The following WDR70 variants were observed in gnomAD, a reference collection of about 807,000 sequenced individuals.
The protein encoded by WDR70 is WD repeat-containing protein 70.
WDR70 carries 53 observed loss-of-function variants against 88.6 expected under a neutral mutation model. That is an observed-to-expected ratio of 0.60 (90% CI 0.48 to 0.75). WDR70 has a LOEUF of 0.75. Ranked by LOEUF, WDR70 falls within the 30% of genes least tolerant of loss-of-function variation. The pLI, the probability that WDR70 is intolerant of heterozygous loss-of-function variation, is 0.00. For synonymous variants in WDR70, 280 were observed against 270.0 expected (o/e 1.04, Z -0.36); for missense variants, 610 against 823.2 (o/e 0.74, Z 3.17).
chr5:37,752,729 T>G lies in WDR70; in HGVS notation c.*156T>G, dbSNP rs1748851115. 1.7e-6 allele frequency: 1 copy of G among 585,718 alleles called. No homozygotes were observed. The allele number at this position is 585,718 out of a possible 1,614,324, so 36.3% of individuals were successfully genotyped here. On this transcript the variant is annotated 3_prime_UTR_variant, in exon 18 of 18. Transcript: ENST00000265107. ...CAAAAGTTTGGTGGCTAGGCTTCACTAAAATTGTGCTTAAATTTTCTTACC... is the reference window on the plus strand; with the variant it reads ...CAAAAGTTTGGTGGCTAGGCTTCACGAAAATTGTGCTTAAATTTTCTTACC...
rs528583855 is a variant in WDR70, at chr5:37,611,012, A to T, written c.1092+5774A>T. 4.9e-4 allele frequency among the ~76,000 whole-genome samples: 74 copies of T among 152,308 alleles called. 1 individual carries two copies. In the South Asian group the frequency reaches 0.015, roughly 31 times the overall value. On this transcript the variant is annotated intron_variant, in intron 10 of 17. Coordinates refer to ENST00000265107, the MANE Select transcript of WDR70 (RefSeq NM_018034.4). ...TATAATGAAGGAAAAGTAAAGCAGA[A>T]TAAAGATAATGTTTTGTGGGAGAGG...
intron 10 of WDR70, among the ~76,000 whole-genome samples, chr5:37,681,307 A>G (rs1746429399): frequency 6.6e-6 from 1 of 152,080 alleles, no homozygotes; most frequent in Non-Finnish European, 1.5e-5. Flanking sequence ...GAAGTTGTTT[A>G]TTAGGTTAAG....
chr5:37,488,664 T>G (rs563346643), intron 8 of WDR70, among the ~76,000 whole-genome samples: 4 of 152,296 alleles, frequency 2.6e-5, no homozygotes, highest in African/African-American at 9.6e-5. Flanking sequence ...TTTATTTATC[T>G]TTGGTGAATT....
chr5:37,667,878 A>C (rs1049580731), intron 10 of WDR70, among the ~76,000 whole-genome samples: 2 of 144,610 alleles, frequency 1.4e-5, no homozygotes, highest in Non-Finnish European at 3.0e-5. Context: ...AAAAGGTTCT[A>C]TAGTCAAATA....
intron 7 of WDR70, among the ~76,000 whole-genome samples, chr5:37,455,501 C>CA (rs1371378529): frequency 6.6e-6 from 1 of 152,116 alleles, no homozygotes; most frequent in East Asian, 1.9e-4. Flanking sequence ...CTTGGCCTCC[C>CA]AAAGTGTTGA....
chr5:37,601,206 C>G (rs1743872079), intron 9 of WDR70, among the ~76,000 whole-genome samples: 1 of 152,128 alleles, frequency 6.6e-6, no homozygotes, highest in Admixed American at 6.5e-5. Context: ...TCCTGCTACA[C>G]CTATTTTGTT....
chr5:37,605,292 T>C, intron 10 of WDR70, 54 bp downstream of exon 10: 1 of 1,518,434 alleles, frequency 6.6e-7, no homozygotes. Context: ...CCTTAGAAGA[T>C]GGCCACCTTA....
intron 7 of WDR70, among the ~76,000 whole-genome samples, chr5:37,450,015 G>A (rs1738627693): frequency 6.6e-6 from 1 of 152,098 alleles, no homozygotes; most frequent in Non-Finnish European, 1.5e-5. Context: ...TTCTGTTCTT[G>A]TGTTAGTTTG....
At chr5:37,525,927 A>G (rs185584166) in intron 9 of WDR70, among the ~76,000 whole-genome samples, 8 of 152,340 alleles carry the variant, frequency 5.3e-5, no homozygotes, top group Admixed American at 1.3e-4. Flanking sequence ...CCCAAGACTA[A>G]ACCAGGAAGA....
At chr5:37,682,597 A>G (rs1746471380) in intron 10 of WDR70, among the ~76,000 whole-genome samples, 1 of 152,096 alleles carries the variant, frequency 6.6e-6, no homozygotes, top group Admixed American at 6.6e-5. Context: ...ACACTGCCTT[A>G]GCTGTGTCCC....
chr5:37,383,938 A>G (rs940599209), intron 3 of WDR70, among the ~76,000 whole-genome samples: 1 of 152,190 alleles, frequency 6.6e-6, no homozygotes, highest in Non-Finnish European at 1.5e-5. Flanking sequence ...ATGAACTACC[A>G]TGTACCTATC....
chr5:37,685,542 C>T (rs796828561), intron 10 of WDR70, among the ~76,000 whole-genome samples: 7 of 152,096 alleles, frequency 4.6e-5, no homozygotes, highest in African/African-American at 1.2e-4. Flanking sequence ...TCAGGTCAGA[C>T]CAGCCCCATC....
chr5:37,739,494 A>G (rs1468106015), intron 17 of WDR70, among the ~76,000 whole-genome samples: 1 of 152,206 alleles, frequency 6.6e-6, no homozygotes, highest in Non-Finnish European at 1.5e-5. Flanking sequence ...AAGACACAGA[A>G]TGGGTAGGTG....
chr5:37,593,369 A>G (rs1174606855), intron 9 of WDR70, among the ~76,000 whole-genome samples: 3 of 151,502 alleles, frequency 2.0e-5, no homozygotes, highest in Admixed American at 2.0e-4. Flanking sequence ...CTCATTGTTC[A>G]ATTCCCACCT....
intron 5 of WDR70, among the ~76,000 whole-genome samples, chr5:37,414,835 GA>G (rs1749646712): frequency 6.6e-6 from 1 of 150,496 alleles, no homozygotes; most frequent in South Asian, 2.1e-4. Flanking sequence ...CGCAGAGGGG[GA>G]TTTGGCAGGG....
chr5:37,717,313 T>C (rs1747680007), intron 13 of WDR70, among the ~76,000 whole-genome samples: 2 of 152,246 alleles, frequency 1.3e-5, no homozygotes, highest in South Asian at 4.1e-4. Context: ...TTTCAGAACC[T>C]AGTTCTTTGC....
At chr5:37,712,293 AT>A (rs1294812634) in intron 13 of WDR70, among the ~76,000 whole-genome samples, 3 of 152,032 alleles carry the variant, frequency 2.0e-5, no homozygotes, top group Non-Finnish European at 4.4e-5. Flanking sequence ...ACCCGGCCAC[AT>A]TTTCTTTTAG....
intron 10 of WDR70, among the ~76,000 whole-genome samples, chr5:37,673,747 T>C (rs1581483378): frequency 6.6e-6 from 1 of 152,042 alleles, no homozygotes; most frequent in East Asian, 1.9e-4. Context: ...TTAGCTATTC[T>C]TCCCGATTCT....
chr5:37,604,939 T>A (rs1743986733), intron 9 of WDR70, 125 bp from the exon 10 acceptor site: 1 of 821,806 alleles, frequency 1.2e-6, no homozygotes, highest in East Asian at 2.9e-5. Context: ...TATTTTATTT[T>A]AAAATAATTA....
Sources: allele counts gnomAD v4.1 joint callset (sites outside exome capture counted in the v4.1 genomes callset), GRCh38; gene constraint gnomAD v4.1.1; transcripts MANE v1.5; gene names NCBI Gene and HGNC (gene_info 2026-07-23, HGNC 2026-07-21).